Variants in PDZD2 observed in about 807,000 individuals in gnomAD.
PDZD2 encodes the protein PDZ domain containing 2, also known as PDZ domain-containing protein 2.
Under a neutral mutation model 220.7 loss-of-function variants are expected in PDZD2, and 90 were observed. The observed-to-expected ratio is 0.41, with a 90% CI of 0.34 to 0.49. The LOEUF (loss-of-function observed/expected upper bound fraction) is 0.49. Ranked by LOEUF, PDZD2 falls within the 20% of genes least tolerant of loss-of-function variation. PDZD2 has a pLI of 0.28. For missense variants in PDZD2, 3,174 were observed against 3,608.5 expected, an observed-to-expected ratio of 0.88 and a Z score of 3.08; for synonymous variants, 1,375 against 1,450.5, an observed-to-expected ratio of 0.95 and a Z score of 1.18.
rs149582927 is a variant in PDZD2 at position 32,087,374 on chromosome 5, C to T, written c.3926C>T (p.Ser1309Leu). ...GACTACAGCAAGACTCGATCAGCAT[C>T]GGAAACCAGCACACCCCACAATACC... is the stretch of plus-strand genomic sequence containing the variant. ...PPDYSKTRSA[S>L]ETSTPHNTRR... Residue 1309 changes from serine to leucine, a missense_variant, in exon 20 of 25, where the codon TCG becomes TTG. Transcript: ENST00000438447. This position sits in a 1 kb window ranked among gnomAD's most constrained non-coding sequence, Gnocchi z 4.0. 199 of 1,614,010 alleles carry T rather than the reference C, an allele frequency of 1.2e-4. No homozygotes were observed. The African/African-American group carries it at 2.1e-3, about 17-fold the overall frequency.
intron 2 of PDZD2, among the ~76,000 whole-genome samples, chr5:31,884,625 G>C (rs1309405497): frequency 6.6e-6 from 1 of 151,908 alleles, no homozygotes; most frequent in African/African-American, 2.4e-5. Flanking sequence ...GTCTTGCTCT[G>C]TCACCCAGGC....
intron 1 of PDZD2, among the ~76,000 whole-genome samples, chr5:31,736,977 G>A (rs910442074): frequency 1.3e-5 from 1 of 75,962 alleles, no homozygotes; most frequent in African/African-American, 4.1e-5. Flanking sequence ...GGCCTCCCCA[G>A]AAGCAGATGC....
At chr5:32,061,510 C>A (rs755932391) in intron 14 of PDZD2, among the ~76,000 whole-genome samples, 5 of 152,124 alleles carry the variant, frequency 3.3e-5, no homozygotes, top group Non-Finnish European at 7.3e-5. Context: ...GCTTTTCTTA[C>A]CACATCTTTT....
intron 10 of PDZD2, among the ~76,000 whole-genome samples, chr5:32,056,308 C>A (rs987376252): frequency 6.7e-6 from 1 of 148,616 alleles, no homozygotes; most frequent in Non-Finnish European, 1.5e-5. Flanking sequence ...TGTAACTCAT[C>A]TACAGGATTC....
intron 6 of PDZD2, among the ~76,000 whole-genome samples, chr5:32,024,712 G>GGAAA (rs1754494363): frequency 1.5e-5 from 2 of 133,012 alleles, no homozygotes; most frequent in African/African-American, 2.7e-5. Context: ...AAAAAGAAAA[G>GGAAA]GAAAGAAAGA....
At chr5:31,989,425 T>TTTTTTTTTTTTATTTTTATTTATTTA (rs1561277924) in intron 3 of PDZD2, among the ~76,000 whole-genome samples, 8 of 145,886 alleles carry the variant, frequency 5.5e-5, no homozygotes, top group African/African-American at 2.1e-4. Flanking sequence ...TCTTTTCTTT[T>TTTTTTTTTTTTATTTTTATTTATTTA]TTTTTTTTTT....
chr5:32,085,196 C>T (rs1026387712), intron 19 of PDZD2, among the ~76,000 whole-genome samples: 1 of 151,368 alleles, frequency 6.6e-6, no homozygotes, highest in Non-Finnish European at 1.5e-5. Context: ...AAGTGATCCA[C>T]CTGCCTTGGC....
intron 1 of PDZD2, among the ~76,000 whole-genome samples, chr5:31,773,698 G>A (rs2150200604): frequency 6.6e-6 from 1 of 152,222 alleles, no homozygotes; most frequent in South Asian, 2.1e-4. Context: ...GAAAGAGAGA[G>A]AGACAGAGAG....
intron 3 of PDZD2, among the ~76,000 whole-genome samples, chr5:31,985,008 C>T (rs1490593162): frequency 6.6e-6 from 1 of 150,982 alleles, no homozygotes; most frequent in African/African-American, 2.4e-5. Flanking sequence ...TAAAGTTGGA[C>T]ACAGAGAAGG....
intron 1 of PDZD2, among the ~76,000 whole-genome samples, chr5:31,790,768 G>A (rs6450866): frequency 0.7 from 101,111 of 144,620 alleles, 35,326 homozygotes; most frequent in Middle Eastern, 0.77. Flanking sequence ...GCACGATCTC[G>A]GCTCACTGCA....
chr5:31,765,904 G>A (rs558143045), intron 1 of PDZD2, among the ~76,000 whole-genome samples: 1 of 152,196 alleles, frequency 6.6e-6, no homozygotes, highest in East Asian at 1.9e-4. Context: ...AGGCGTGGTG[G>A]CTCATGCTTG....
At position 31,836,745 on chromosome 5, in the gene PDZD2, G is replaced by A. The variant is rs192549990; in HGVS notation, c.476+37021G>A. On this transcript the variant is annotated intron_variant, in intron 2 of 24. Coordinates refer to ENST00000438447, the MANE Select transcript of PDZD2 (RefSeq NM_178140.4). Reference sequence around the variant, plus strand: ...GTAAAATAAATTATGTAGGCTGGGCGAGGTGGTTTATGCCTGTAATCCCAG... The same window carrying A: ...GTAAAATAAATTATGTAGGCTGGGCAAGGTGGTTTATGCCTGTAATCCCAG... Among the ~76,000 whole-genome samples, 230 of 152,220 alleles carry A rather than the reference G, an allele frequency of 1.5e-3. 1 individual carries two copies. The highest frequency in any genetic ancestry group is 5.5e-3 in the Admixed American group (84 of 15,270).
intron 23 of PDZD2, chr5:32,100,493 C>A: frequency 3.6e-6 from 1 of 278,720 alleles, no homozygotes; most frequent in South Asian, 3.7e-5. Flanking sequence ...CACAGTGGAG[C>A]AAGATGCCAG....
intron 1 of PDZD2, among the ~76,000 whole-genome samples, chr5:31,757,649 G>T (rs1366971249): frequency 6.6e-6 from 1 of 152,084 alleles, no homozygotes; most frequent in East Asian, 1.9e-4. Context: ...TGGCTAATTG[G>T]CTGAGGTGAC....
chr5:31,728,173 T>C (rs1749294446), intron 1 of PDZD2, among the ~76,000 whole-genome samples: 1 of 151,972 alleles, frequency 6.6e-6, no homozygotes, highest in Non-Finnish European at 1.5e-5. Flanking sequence ...GTGAGGGACT[T>C]GGCAGCATCT....
rs569296968 is a variant in PDZD2 at position 31,956,525 on chromosome 5, C to T, written c.477-26630C>T. 5.9e-5 allele frequency among the ~76,000 whole-genome samples: 8 copies of T among 136,428 alleles called. No individual in the cohort carries two copies. In the South Asian group the frequency reaches 1.2e-3, roughly 20 times the overall value. 89.5% of individuals were successfully genotyped at this position (136,428 alleles called of 152,430 possible). A position where few individuals can be genotyped will look rare whatever the true frequency, so the allele number is the denominator to read the frequency against. ...TCTCACCACTGCACTCCAGCCTGGG[C>T]GACAGAGTGAGACTCTGTCTCAAAA... On this transcript the variant is annotated intron_variant, in intron 2 of 24. Transcript: ENST00000438447.
intron 2 of PDZD2, among the ~76,000 whole-genome samples, chr5:31,910,342 C>G (rs796953369): frequency 2.6e-5 from 4 of 151,380 alleles, no homozygotes; most frequent in African/African-American, 9.7e-5. Context: ...GACTCAGCCT[C>G]CCAAGCATCT....
At chr5:31,985,042 G>A (rs1334073474) in intron 3 of PDZD2, among the ~76,000 whole-genome samples, 1 of 149,632 alleles carries the variant, frequency 6.7e-6, no homozygotes, top group African/African-American at 2.5e-5. Flanking sequence ...TAGAATGTAT[G>A]AATAAGAAAA....
At chr5:31,750,879 T>C (rs1428834793) in intron 1 of PDZD2, among the ~76,000 whole-genome samples, 1 of 152,116 alleles carries the variant, frequency 6.6e-6, no homozygotes, top group East Asian at 1.9e-4. Flanking sequence ...TACGCAGCAC[T>C]TTGAAAGCCA....
Sources: gnomAD v4.1 joint callset for allele counts (sites outside exome capture counted in the v4.1 genomes callset) on GRCh38, gnomAD v4.1.1 for gene constraint, Gnocchi (gnomAD v3.1) non-coding constraint, MANE v1.5 for transcripts, NCBI Gene and HGNC (gene_info 2026-07-23, HGNC 2026-07-21) for gene names.